The following GRID2 variants were observed in gnomAD, a reference collection of about 807,000 sequenced individuals.
GRID2 encodes glutamate ionotropic receptor delta type subunit 2, also known as glutamate receptor ionotropic, delta-2.
A neutral mutation model predicts 114.8 loss-of-function variants in GRID2; 33 were observed. That is an observed-to-expected ratio of 0.29 (90% CI 0.22 to 0.38). The LOEUF is 0.38. Among genes scored for constraint, GRID2 ranks in the 10% least tolerant of loss-of-function variants. The pLI, the probability that GRID2 is intolerant of heterozygous loss-of-function variation, is 1.00. For synonymous variants in GRID2, 505 were observed against 449.9 expected, an observed-to-expected ratio of 1.12 and a Z score of -1.55; for missense variants, 1,184 against 1,257.7, an observed-to-expected ratio of 0.94 and a Z score of 0.89.
At chr4:93,781,520 T>TG (rs1047614313) in intron 1 of GRID2, among the ~76,000 whole-genome samples, 7 of 152,178 alleles carry the variant, frequency 4.6e-5, no homozygotes, top group African/African-American at 1.4e-4. Context: ...TCAGTGTCAG[T>TG]GGGGGGTTGG....
At chr4:93,164,751 C>A in intron 4 of GRID2, 1 of 430,458 alleles carries the variant, frequency 2.3e-6, no homozygotes, top group Non-Finnish European at 4.8e-6. Context: ...TTTAGAAAAA[C>A]ACTTAGGGAG....
intron 2 of GRID2, among the ~76,000 whole-genome samples, chr4:92,855,260 G>A (rs1744094977): frequency 6.6e-6 from 1 of 152,020 alleles, no homozygotes; most frequent in Non-Finnish European, 1.5e-5. Context: ...ACCTCTGTAT[G>A]TCACTTTAGA....
intron 2 of GRID2, among the ~76,000 whole-genome samples, chr4:92,692,087 T>C (rs560008395): frequency 6.6e-6 from 1 of 152,180 alleles, no homozygotes; most frequent in South Asian, 2.1e-4. Context: ...TTTTAATATA[T>C]TAGAGCCCCC....
chr4:93,156,966 A>G (rs1737240260), intron 4 of GRID2, among the ~76,000 whole-genome samples: 1 of 151,826 alleles, frequency 6.6e-6, no homozygotes, highest in Admixed American at 6.6e-5. Flanking sequence ...AAGTGGACAC[A>G]ATTAAGCATC....
chr4:92,931,814 C>T (rs1297864189), intron 2 of GRID2, among the ~76,000 whole-genome samples: 1 of 150,912 alleles, frequency 6.6e-6, no homozygotes, highest in Non-Finnish European at 1.5e-5. Context: ...AGATATTTAT[C>T]CACACACGTG....
At chr4:93,349,365 T>C (rs1253381156) in intron 8 of GRID2, among the ~76,000 whole-genome samples, 1 of 152,102 alleles carries the variant, frequency 6.6e-6, no homozygotes, top group Non-Finnish European at 1.5e-5. Context: ...CTGCATACTT[T>C]TTTTTCTTTT....
intron 1 of GRID2, among the ~76,000 whole-genome samples, chr4:92,487,511 A>ATAAT (rs1348234425): frequency 6.6e-6 from 1 of 152,060 alleles, no homozygotes; most frequent in Non-Finnish European, 1.5e-5. Context: ...TTTCCACTAG[A>ATAAT]TAATAGACTG....
intron 11 of GRID2, among the ~76,000 whole-genome samples, chr4:93,471,698 A>T (rs1468142758): frequency 1.5e-4 from 9 of 60,994 alleles, no homozygotes; most frequent in South Asian, 5.3e-4. Flanking sequence ...CCTGAATTCA[A>T]TTTTTTTTTT....
At chr4:93,750,539 G>A (rs906051964) in intron 14 of GRID2, among the ~76,000 whole-genome samples, 1 of 152,140 alleles carries the variant, frequency 6.6e-6, no homozygotes, top group African/African-American at 2.4e-5. Context: ...GGAGGCCAAG[G>A]TGAGTGGATC....
At chr4:93,690,827 C>A (rs1158938015) in intron 14 of GRID2, among the ~76,000 whole-genome samples, 1 of 150,520 alleles carries the variant, frequency 6.6e-6, no homozygotes, top group Admixed American at 6.7e-5. Flanking sequence ...AAATGAAAGG[C>A]TTATTTTATA....
At chr4:92,787,013 A>G (rs761041308) in intron 2 of GRID2, among the ~76,000 whole-genome samples, 3 of 151,930 alleles carry the variant, frequency 2.0e-5, no homozygotes, top group Admixed American at 6.6e-5. Flanking sequence ...CACCTTTCCT[A>G]AAAGTCAATA....
chr4:92,539,992 C>T (rs11932549), intron 1 of GRID2, among the ~76,000 whole-genome samples: 31,970 of 151,866 alleles, frequency 0.21, 3,994 homozygotes, highest in African/African-American at 0.36. Context: ...AATAATGCTA[C>T]GTATCTACAA....
At chr4:92,464,094 C>A (rs1348153803) in intron 1 of GRID2, among the ~76,000 whole-genome samples, 1 of 151,966 alleles carries the variant, frequency 6.6e-6, no homozygotes, top group Non-Finnish European at 1.5e-5. Context: ...AATTGTAGAG[C>A]ATGTAATTTT....
chr4:92,323,419 C>T (rs112410865), intron 1 of GRID2, among the ~76,000 whole-genome samples: 7,832 of 152,060 alleles, frequency 0.052, 258 homozygotes, highest in Non-Finnish European at 0.078. Context: ...CAGGTGTGCC[C>T]TTTCTGTTTC....
chr4:92,965,812 G>A (rs994546810), intron 2 of GRID2, among the ~76,000 whole-genome samples: 11 of 151,864 alleles, frequency 7.2e-5, no homozygotes, highest in South Asian at 2.1e-4. Flanking sequence ...CCCAGATGAC[G>A]AAATTTTGTA....
intron 1 of GRID2, among the ~76,000 whole-genome samples, chr4:92,508,968 T>C (rs561796953): frequency 6.6e-6 from 1 of 151,792 alleles, no homozygotes; most frequent in African/African-American, 2.4e-5. Flanking sequence ...TCAGGAGGCT[T>C]AGACGGGAGG....
chr4:92,409,903 A>G (rs1731214393), intron 1 of GRID2, among the ~76,000 whole-genome samples: 1 of 151,956 alleles, frequency 6.6e-6, no homozygotes, highest in Non-Finnish European at 1.5e-5. Context: ...ACCTTTCCCT[A>G]GGATATTGCA....
chr4:93,459,960 T>C (rs1220413726), intron 11 of GRID2, among the ~76,000 whole-genome samples: 1 of 152,172 alleles, frequency 6.6e-6, no homozygotes, highest in Non-Finnish European at 1.5e-5. Context: ...CTACTAAATA[T>C]TTCTAGAAGT....
At position 93,573,788 on chromosome 4, in the gene GRID2, AC is replaced by A. The variant is rs2149584005; in HGVS notation, c.2194-52478del. Among the ~76,000 whole-genome samples the A allele has an allele frequency of 1.3e-5, 2 of 152,242 alleles. 1 individual carries two copies. The highest frequency in any genetic ancestry group is 4.1e-4 in the South Asian group (2 of 4,824). On this transcript the variant is annotated intron_variant, in intron 13 of 15. Coordinates refer to ENST00000282020, the MANE Select transcript of GRID2 (RefSeq NM_001510.4). ...TTGGGAGCTTTGCAACCTTCATGTA[AC>A]CCTGGACCACTGCAAATAGAGTTCC...
Sources: allele counts gnomAD v4.1 joint callset (sites outside exome capture counted in the v4.1 genomes callset), GRCh38; gene constraint gnomAD v4.1.1; transcripts MANE v1.5; gene names NCBI Gene and HGNC (gene_info 2026-07-23, HGNC 2026-07-21).